Variants in MAGI2 observed in about 807,000 individuals in gnomAD.
MAGI2 encodes the protein membrane-associated guanylate kinase, WW and PDZ domain-containing protein 2.
MAGI2 carries 35 observed loss-of-function variants against 133.3 expected under a neutral mutation model. That is an observed-to-expected ratio of 0.26 (90% CI 0.20 to 0.35). The LOEUF is 0.35. MAGI2 is among the 10% of genes least tolerant of loss of function. The pLI is 1.00. For synonymous variants in MAGI2, 729 were observed against 710.6 expected (o/e 1.03, Z -0.41); for missense variants, 1,636 against 1,863.4 (o/e 0.88, Z 2.25).
chr7:78,967,459 C>G (rs1803418728), intron 2 of MAGI2, among the ~76,000 whole-genome samples: 1 of 151,940 alleles, frequency 6.6e-6, no homozygotes. Context: ...TTGTAGTCCA[C>G]TTGTCTATTT....
chr7:79,053,195 G>A (rs1223526526), intron 1 of MAGI2, among the ~76,000 whole-genome samples: 3 of 152,098 alleles, frequency 2.0e-5, no homozygotes, highest in Non-Finnish European at 4.4e-5. Context: ...GGATGGTCTC[G>A]ATCTCCTGAC....
chr7:78,709,561 G>A (rs546054932), intron 2 of MAGI2, among the ~76,000 whole-genome samples: 4 of 152,192 alleles, frequency 2.6e-5, no homozygotes, highest in South Asian at 4.1e-4. Flanking sequence ...TTCAGTTCAC[G>A]TTTATTTTGT....
At chr7:79,156,305 G>C (rs979271037) in intron 1 of MAGI2, among the ~76,000 whole-genome samples, 1 of 152,004 alleles carries the variant, frequency 6.6e-6, no homozygotes, top group African/African-American at 2.4e-5. Context: ...TCTTTTGTGG[G>C]GGAAAATTTG....
chr7:79,197,937 G>T (rs1281546260), intron 1 of MAGI2, among the ~76,000 whole-genome samples: 1 of 151,768 alleles, frequency 6.6e-6, no homozygotes, highest in African/African-American at 2.4e-5. Flanking sequence ...ATTTTGGAGG[G>T]ACCCAAACAT....
intron 1 of MAGI2, among the ~76,000 whole-genome samples, chr7:79,112,601 A>G (rs761514380): frequency 6.6e-6 from 1 of 151,732 alleles, no homozygotes. Flanking sequence ...AAATCACACC[A>G]CTCTTCTTAC....
At chr7:79,315,106 G>A (rs1255648205) in intron 1 of MAGI2, among the ~76,000 whole-genome samples, 1 of 150,732 alleles carries the variant, frequency 6.6e-6, no homozygotes, top group South Asian at 2.1e-4. Context: ...GCAACTCTAC[G>A]AATATCATTT....
At chr7:78,111,261 A>G (rs1194704233) in intron 20 of MAGI2, among the ~76,000 whole-genome samples, 1 of 152,206 alleles carries the variant, frequency 6.6e-6, no homozygotes, top group Non-Finnish European at 1.5e-5. Flanking sequence ...ATTTTTTCAG[A>G]TCACAGCAGT....
intron 2 of MAGI2, among the ~76,000 whole-genome samples, chr7:78,934,977 T>C (rs1277735175): frequency 6.6e-6 from 1 of 152,116 alleles, no homozygotes; most frequent in African/African-American, 2.4e-5. Context: ...TTGACAAGAA[T>C]CCTTATTCAG....
At chr7:78,890,917 CA>C (rs1212161284) in intron 2 of MAGI2, among the ~76,000 whole-genome samples, 3 of 152,026 alleles carry the variant, frequency 2.0e-5, no homozygotes, top group African/African-American at 7.2e-5. Context: ...AAAAACCCTT[CA>C]AAAAATCTAT....
intron 1 of MAGI2, among the ~76,000 whole-genome samples, chr7:79,346,485 G>T (rs759271743): frequency 4.0e-5 from 6 of 151,836 alleles, no homozygotes; most frequent in African/African-American, 1.5e-4. Flanking sequence ...GCCTGTTACT[G>T]CCTCAATCCT....
chr7:79,225,175 C>T (rs552936725), intron 1 of MAGI2, among the ~76,000 whole-genome samples: 2 of 152,142 alleles, frequency 1.3e-5, no homozygotes, highest in Non-Finnish European at 2.9e-5. Flanking sequence ...TTTCCACCAC[C>T]TGTGCATACA....
chr7:79,162,403 C>T (rs991135501), intron 1 of MAGI2, among the ~76,000 whole-genome samples: 2 of 152,014 alleles, frequency 1.3e-5, no homozygotes, highest in Admixed American at 6.6e-5. Flanking sequence ...GATGCTAAAA[C>T]TATACAAGCA....
chr7:78,792,563 C>A (rs751132520), intron 2 of MAGI2, among the ~76,000 whole-genome samples: 31 of 152,148 alleles, frequency 2.0e-4, no homozygotes, highest in Non-Finnish European at 4.4e-5. Flanking sequence ...AATTTGAACT[C>A]CCTATAATCA....
chr7:78,417,474 C>T (rs1352800056), intron 6 of MAGI2, among the ~76,000 whole-genome samples: 3 of 152,028 alleles, frequency 2.0e-5, no homozygotes, highest in East Asian at 1.9e-4. Context: ...CTCGTTAGTG[C>T]CACATCTACA....
rs569648389 is a variant in MAGI2 at position 78,656,043 on chromosome 7, A to G, written c.419-28804T>C. Among the ~76,000 whole-genome samples, 121 of 152,028 alleles carry G rather than the reference A, an allele frequency of 8.0e-4. 1 individual carries two copies. The South Asian group carries it at 0.019, about 23-fold the overall frequency. ...AAAAATTGCTATTGCACTTGAGGGA[A>G]AAATAAAAGTGGGGATCCCCATTAA... On this transcript the variant is annotated intron_variant, in intron 2 of 21. Coordinates refer to ENST00000354212, the MANE Select transcript of MAGI2 (RefSeq NM_012301.4).
intron 6 of MAGI2, among the ~76,000 whole-genome samples, chr7:78,461,882 G>A (rs1790062298): frequency 8.8e-6 from 1 of 113,916 alleles, no homozygotes; most frequent in East Asian, 2.8e-4. Flanking sequence ...TTGCACTCTA[G>A]CCGGGGCAAC....
chr7:78,584,383 G>A (rs1803167210), intron 3 of MAGI2, among the ~76,000 whole-genome samples: 1 of 121,896 alleles, frequency 8.2e-6, no homozygotes, highest in Non-Finnish European at 1.6e-5. Flanking sequence ...TCGTACCACT[G>A]CATTCCAGCC....
At chr7:78,112,858 A>G (rs546321932) in intron 20 of MAGI2, among the ~76,000 whole-genome samples, 1 of 152,344 alleles carries the variant, frequency 6.6e-6, no homozygotes, top group African/African-American at 2.4e-5. Flanking sequence ...GACAAATGCT[A>G]TGAAGAAGAT....
chr7:78,965,151 T>C (rs1022144070), intron 2 of MAGI2, among the ~76,000 whole-genome samples: 18 of 151,400 alleles, frequency 1.2e-4, no homozygotes, highest in Non-Finnish European at 2.1e-4. Context: ...ACAAGTACTT[T>C]CTGTTAATCT....
Sources: allele counts gnomAD v4.1 joint callset (sites outside exome capture counted in the v4.1 genomes callset), GRCh38; gene constraint gnomAD v4.1.1; transcripts MANE v1.5; gene names NCBI Gene and HGNC (gene_info 2026-07-23, HGNC 2026-07-21).